The following EYS variants were observed in gnomAD, a reference collection of about 807,000 sequenced individuals.
EYS encodes EGF-like photoreceptor maintenance factor.
A neutral mutation model predicts 282.1 loss-of-function variants in EYS; 250 were observed. The ratio of observed to expected loss-of-function variants is 0.89; its 90% confidence interval spans 0.80 to 0.98. The LOEUF (loss-of-function observed/expected upper bound fraction) is 0.98. Among genes scored for constraint, EYS ranks in the 50% least tolerant of loss-of-function variants. The pLI, the probability that EYS is intolerant of heterozygous loss-of-function variation, is 0.00. For missense variants in EYS, 4,016 were observed against 3,709.0 expected, an observed-to-expected ratio of 1.08 and a Z score of -2.15; for synonymous variants, 1,355 against 1,282.9, an observed-to-expected ratio of 1.06 and a Z score of -1.20.
At chr6:63,863,898 A>G (rs1470344375) in intron 36 of EYS, among the ~76,000 whole-genome samples, 1 of 151,802 alleles carries the variant, frequency 6.6e-6, no homozygotes. Flanking sequence ...TGGGTCTCGA[A>G]TTTCTGACCT....
chr6:64,594,838 A>C (rs1461725196), intron 24 of EYS, among the ~76,000 whole-genome samples: 1 of 151,692 alleles, frequency 6.6e-6, no homozygotes, highest in Non-Finnish European at 1.5e-5. Context: ...CTTAAAGTAT[A>C]ATAATAATAA....
At chr6:65,450,741 G>A (rs1301737364) in intron 5 of EYS, among the ~76,000 whole-genome samples, 1 of 152,112 alleles carries the variant, frequency 6.6e-6, no homozygotes, top group Non-Finnish European at 1.5e-5. Flanking sequence ...CCTAAGACCA[G>A]TGGCAATAGG....
At chr6:65,099,285 CT>C (rs1774826560) in intron 12 of EYS, among the ~76,000 whole-genome samples, 1 of 150,552 alleles carries the variant, frequency 6.6e-6, no homozygotes, top group Non-Finnish European at 1.5e-5. Context: ...AGAGTGTCAT[CT>C]TAAAAGGTGT....
chr6:65,223,892 A>G (rs540721228), intron 12 of EYS, among the ~76,000 whole-genome samples: 7 of 152,264 alleles, frequency 4.6e-5, no homozygotes, highest in African/African-American at 1.7e-4. Flanking sequence ...GTCTTGGAGT[A>G]CCAGCTCACA....
chr6:64,591,101 T>A lies in EYS; in HGVS notation c.4766A>T (p.Asn1589Ile), dbSNP rs762302769. 71 of 1,551,162 alleles carry A rather than the reference T, an allele frequency of 4.6e-5. No individual in the cohort carries two copies. The highest frequency in any genetic ancestry group is 5.7e-5 in the Non-Finnish European group (65 of 1,146,792). ...ATACCAGCTGGCTAATATCGCTGAG[T>A]TCATCCAGAATGTCTCATAAAAGTG... ...QSHFYETFWMNSAILASWYAL... is the reference protein window; with the variant it reads ...QSHFYETFWMISAILASWYAL... The change falls in exon 26 of 43, where the codon AAC becomes ATC. Residue 1589 changes from asparagine to isoleucine, a missense_variant. Asn to Ile is a moderately radical substitution (Grantham distance 149, BLOSUM62 -3). Transcript: ENST00000503581.
intron 2 of EYS, among the ~76,000 whole-genome samples, chr6:65,512,405 C>T (rs1326580405): frequency 6.7e-6 from 1 of 149,390 alleles, no homozygotes; most frequent in Non-Finnish European, 1.5e-5. Flanking sequence ...AGGAGAATGG[C>T]ATGAACCCGG....
At chr6:65,009,600 C>T (rs913047993) in intron 13 of EYS, among the ~76,000 whole-genome samples, 3 of 152,258 alleles carry the variant, frequency 2.0e-5, no homozygotes, top group African/African-American at 7.2e-5. Flanking sequence ...AGAGATAGCC[C>T]CCATCTATTA....
intron 22 of EYS, among the ~76,000 whole-genome samples, chr6:64,658,986 A>G (rs1434548957): frequency 6.6e-6 from 1 of 152,232 alleles, no homozygotes; most frequent in Non-Finnish European, 1.5e-5. Context: ...ACATAGTTGG[A>G]AGTAGAGCAC....
intron 24 of EYS, among the ~76,000 whole-genome samples, chr6:64,600,503 T>C (rs687718): frequency 0.12 from 18,625 of 152,150 alleles, 1,179 homozygotes; most frequent in East Asian, 0.17. Context: ...TGAGATATCT[T>C]TGTGCTATGT....
chr6:64,476,135 A>G (rs1045878353), intron 26 of EYS, among the ~76,000 whole-genome samples: 12 of 152,128 alleles, frequency 7.9e-5, no homozygotes, highest in Admixed American at 5.9e-4. Flanking sequence ...TCATTAGGCC[A>G]TTCAGCCCAG....
intron 26 of EYS, among the ~76,000 whole-genome samples, chr6:64,481,039 A>G (rs1776420784): frequency 6.6e-6 from 1 of 151,474 alleles, no homozygotes; most frequent in Non-Finnish European, 1.5e-5. Flanking sequence ...ATAGTTTTTG[A>G]AAAAGTCCAA....
intron 19 of EYS, among the ~76,000 whole-genome samples, chr6:64,843,240 G>T (rs1194017576): frequency 1.3e-5 from 2 of 152,030 alleles, no homozygotes; most frequent in Non-Finnish European, 2.9e-5. Flanking sequence ...TGTGGGGTTG[G>T]ACCCCCCACA....
At chr6:64,828,631 G>A (rs1404108948) in intron 19 of EYS, among the ~76,000 whole-genome samples, 1 of 151,956 alleles carries the variant, frequency 6.6e-6, no homozygotes, top group African/African-American at 2.4e-5. Flanking sequence ...ACCTGACCAT[G>A]GGACATCAAG....
At chr6:65,512,539 T>C (rs965100090) in intron 2 of EYS, among the ~76,000 whole-genome samples, 3 of 145,252 alleles carry the variant, frequency 2.1e-5, no homozygotes, top group Admixed American at 6.9e-5. Flanking sequence ...ATTTTAATTA[T>C]AAAAATGCTT....
intron 5 of EYS, among the ~76,000 whole-genome samples, chr6:65,411,838 G>C (rs1474202895): frequency 6.8e-6 from 1 of 146,488 alleles, no homozygotes; most frequent in African/African-American, 2.5e-5. Context: ...TCGGTTAATT[G>C]GTAAATAGTA....
chr6:64,720,088 A>C (rs2149942375), intron 22 of EYS, among the ~76,000 whole-genome samples: 1 of 152,318 alleles, frequency 6.6e-6, no homozygotes, highest in African/African-American at 2.4e-5. Flanking sequence ...TCACTGGTAT[A>C]AAGTCAATGT....
At chr6:64,585,847 G>T (rs1167405419) in intron 26 of EYS, among the ~76,000 whole-genome samples, 3 of 151,734 alleles carry the variant, frequency 2.0e-5, no homozygotes, top group African/African-American at 7.3e-5. Flanking sequence ...ATCTTATTTG[G>T]CCTTGTTTGG....
chr6:65,586,390 A>T (rs1269126054), intron 2 of EYS, among the ~76,000 whole-genome samples: 2 of 152,122 alleles, frequency 1.3e-5, no homozygotes, highest in Non-Finnish European at 2.9e-5. Flanking sequence ...GAATAATTTT[A>T]TAACCAAAAG....
chr6:64,449,612 T>C (rs1300737709), intron 26 of EYS, among the ~76,000 whole-genome samples: 1 of 152,122 alleles, frequency 6.6e-6, no homozygotes, highest in South Asian at 2.1e-4. Flanking sequence ...GAGAGAAAGG[T>C]TGGGTTACCT....
Sources: gnomAD v4.1 joint callset for allele counts (sites outside exome capture counted in the v4.1 genomes callset) on GRCh38, gnomAD v4.1.1 for gene constraint, MANE v1.5 for transcripts, NCBI Gene and HGNC (gene_info 2026-07-23, HGNC 2026-07-21) for gene names.